The following RARB variants were observed in gnomAD, a reference collection of about 807,000 sequenced individuals.
RARB encodes retinoic acid receptor beta.
RARB carries 17 observed loss-of-function variants against 51.9 expected under a neutral mutation model. That is an observed-to-expected ratio of 0.33 (90% CI 0.22 to 0.49). RARB has a LOEUF of 0.49. Ranked by LOEUF, RARB falls within the 20% of genes least tolerant of loss-of-function variation. The pLI is 0.99. For missense variants in RARB, 369 were observed against 550.8 expected (o/e 0.67, Z 3.30); for synonymous variants, 215 against 195.4 (o/e 1.10, Z -0.84).
intron 5 of RARB, among the ~76,000 whole-genome samples, chr3:25,244,773 A>G (rs564018395): frequency 2.0e-5 from 3 of 152,296 alleles, no homozygotes; most frequent in Admixed American, 6.5e-5. Flanking sequence ...TAGTGCTGAG[A>G]AGCATGTATA....
intron 2 of RARB, among the ~76,000 whole-genome samples, chr3:24,915,551 A>G (rs2125382950): frequency 6.6e-6 from 1 of 152,302 alleles, no homozygotes; most frequent in East Asian, 1.9e-4. Flanking sequence ...ATCATGCCTG[A>G]TCCATTGGAG....
At chr3:24,901,174 C>T (rs548632678) in intron 2 of RARB, among the ~76,000 whole-genome samples, 5 of 152,272 alleles carry the variant, frequency 3.3e-5, no homozygotes, top group East Asian at 3.9e-4. Context: ...CATTTTTGCA[C>T]GTAACAGCTA....
intron 1 of RARB, among the ~76,000 whole-genome samples, chr3:24,834,618 T>C (rs1283765798): frequency 6.6e-6 from 1 of 152,166 alleles, no homozygotes; most frequent in Non-Finnish European, 1.5e-5. Context: ...AGGTTTTACC[T>C]CTCTCAAAAG....
At chr3:25,287,773 G>A (rs1380428902) in intron 5 of RARB, among the ~76,000 whole-genome samples, 2 of 152,070 alleles carry the variant, frequency 1.3e-5, no homozygotes, top group Non-Finnish European at 2.9e-5. Context: ...TTATAAAACT[G>A]TATCCAGGAA....
chr3:25,106,285 T>C (rs1445942081), intron 3 of RARB, among the ~76,000 whole-genome samples: 3 of 32,042 alleles, frequency 9.4e-5, no homozygotes, highest in Non-Finnish European at 1.8e-4. Context: ...TAAAATTCTT[T>C]TATTTTTTTT....
intron 5 of RARB, among the ~76,000 whole-genome samples, chr3:25,175,532 A>C (rs1323947700): frequency 1.3e-5 from 2 of 152,192 alleles, no homozygotes; most frequent in Non-Finnish European, 2.9e-5. Context: ...GCCTTCAGTC[A>C]TTCCTTCTAC....
At chr3:24,921,022 G>T (rs1489342057) in intron 2 of RARB, among the ~76,000 whole-genome samples, 1 of 152,048 alleles carries the variant, frequency 6.6e-6, no homozygotes, top group Non-Finnish European at 1.5e-5. Flanking sequence ...AGGCTTACTG[G>T]TGCAGAGGCC....
At chr3:24,845,802 A>G (rs907904732) in intron 1 of RARB, among the ~76,000 whole-genome samples, 3 of 152,048 alleles carry the variant, frequency 2.0e-5, no homozygotes, top group Non-Finnish European at 2.9e-5. Flanking sequence ...GGCATGCCAC[A>G]TTTTAACAGT....
intron 2 of RARB, among the ~76,000 whole-genome samples, chr3:24,871,499 GTCT>G (rs1360606113): frequency 2.0e-5 from 3 of 151,912 alleles, no homozygotes; most frequent in African/African-American, 4.8e-5. Flanking sequence ...ACCCCTCTAG[GTCT>G]TCTTCTCCCA....
chr3:25,161,006 TTTGTTGTTG>T (rs879753755), intron 4 of RARB, among the ~76,000 whole-genome samples: 4 of 151,656 alleles, frequency 2.6e-5, no homozygotes, highest in African/African-American at 7.2e-5. Flanking sequence ...TCATCTCCTT[TTTGTTGTTG>T]TTGTTGTTGT....
intron 1 of RARB, among the ~76,000 whole-genome samples, chr3:24,849,100 A>C (rs1219635785): frequency 3.9e-5 from 6 of 152,214 alleles, no homozygotes; most frequent in East Asian, 1.9e-4. Flanking sequence ...CCCAAACTCT[A>C]TATATATTAT....
At chr3:25,475,431 A>G (rs4681065) in intron 2 of RARB, among the ~76,000 whole-genome samples, 116,442 of 152,030 alleles carry the variant, frequency 0.77, 44,800 homozygotes, top group Middle Eastern at 0.89. Flanking sequence ...AAAAATCACT[A>G]TAGATAAGTT....
chr3:24,882,385 A>G (rs73047644), intron 2 of RARB, among the ~76,000 whole-genome samples: 2 of 152,320 alleles, frequency 1.3e-5, no homozygotes, highest in South Asian at 2.1e-4. Flanking sequence ...TCTAGCATTT[A>G]TATTGTACTA....
At chr3:24,912,188 G>A (rs1443519214) in intron 2 of RARB, among the ~76,000 whole-genome samples, 3 of 152,132 alleles carry the variant, frequency 2.0e-5, no homozygotes, top group Non-Finnish European at 4.4e-5. Context: ...AGGCAGGGGG[G>A]AAATGTGGCT....
chr3:25,332,812 A>G (rs538149455), intron 5 of RARB, among the ~76,000 whole-genome samples: 26 of 152,364 alleles, frequency 1.7e-4, no homozygotes, highest in African/African-American at 5.1e-4. Flanking sequence ...TAAGCTGTTA[A>G]GCAACTTCAG....
chr3:25,204,378 C>A (rs968629250), intron 5 of RARB, among the ~76,000 whole-genome samples: 3 of 152,164 alleles, frequency 2.0e-5, no homozygotes, highest in Admixed American at 6.5e-5. Flanking sequence ...GAACTTCTTC[C>A]TTTAGCTCGG....
In RARB at chr3:25,008,805, T is replaced by A. The variant is rs531581065; in HGVS notation, c.-379-51320T>A. Among the ~76,000 whole-genome samples, 3 of 152,240 alleles carry A rather than the reference T, an allele frequency of 2.0e-5. No individual in the cohort carries two copies. In the East Asian group the frequency reaches 5.8e-4, roughly 30 times the overall value. On this transcript the variant is annotated intron_variant, in intron 2 of 11. Coordinates refer to the RARB transcript ENST00000383772. ...AGCCTGGCCCTTGAGACATTTAATA[T>A]GGACATTCCCAATATAATGCAGCCA... is the stretch of plus-strand genomic sequence containing the variant.
intron 2 of RARB, among the ~76,000 whole-genome samples, chr3:25,470,900 G>A (rs1695654624): frequency 1.3e-5 from 2 of 152,182 alleles, no homozygotes; most frequent in Non-Finnish European, 2.9e-5. Flanking sequence ...TCTTGTCACA[G>A]CCTTATTACT....
intron 3 of RARB, among the ~76,000 whole-genome samples, chr3:25,523,872 A>C (rs1372474719): frequency 6.6e-6 from 1 of 152,156 alleles, no homozygotes; most frequent in Non-Finnish European, 1.5e-5. Context: ...ACATTGCATT[A>C]TTTTTTTAAA....
Sources: allele counts gnomAD v4.1 joint callset (sites outside exome capture counted in the v4.1 genomes callset), GRCh38; gene constraint gnomAD v4.1.1; transcripts MANE v1.5; gene names NCBI Gene and HGNC (gene_info 2026-07-23, HGNC 2026-07-21).